CRTAC1: variants seen among roughly 807,000 people sequenced by gnomAD.
The protein encoded by CRTAC1 is cartilage acidic protein 1.
In CRTAC1, 37 loss-of-function variants were observed where a neutral mutation model predicts 67.8. The observed-to-expected ratio is 0.55, with a 90% CI of 0.42 to 0.72. The LOEUF (loss-of-function observed/expected upper bound fraction) is 0.72. Ranked by LOEUF, CRTAC1 falls within the 30% of genes least tolerant of loss-of-function variation. The probability of loss-of-function intolerance (pLI) is 0.00; values close to 1 mark genes in which losing one functional copy is unlikely to be tolerated. For missense variants in CRTAC1, 780 were observed against 931.6 expected, an observed-to-expected ratio of 0.84 and a Z score of 2.12; for synonymous variants, 348 against 371.0, an observed-to-expected ratio of 0.94 and a Z score of 0.71.
chr10:97,946,743 C>T (rs17094015), intron 2 of CRTAC1, among the ~76,000 whole-genome samples: 2,396 of 152,294 alleles, frequency 0.016, 72 homozygotes, highest in African/African-American at 0.054. Flanking sequence ...ACAAATGCTT[C>T]CCTGGGACCA....
chr10:97,974,951 A>C (rs2051774212), intron 2 of CRTAC1, among the ~76,000 whole-genome samples: 1 of 151,830 alleles, frequency 6.6e-6, no homozygotes, highest in South Asian at 2.1e-4. Context: ...AGGCGGGCAG[A>C]GGGAGACGCT....
chr10:97,999,833 C>T (rs1038906316), intron 2 of CRTAC1, among the ~76,000 whole-genome samples: 1 of 152,194 alleles, frequency 6.6e-6, no homozygotes, highest in Non-Finnish European at 1.5e-5. Context: ...ATCAGGACGA[C>T]CAGCTGCAAA....
At chr10:97,997,397 G>T (rs1464769876) in intron 2 of CRTAC1, among the ~76,000 whole-genome samples, 1 of 144,302 alleles carries the variant, frequency 6.9e-6, no homozygotes, top group East Asian at 2.0e-4. Context: ...AGGTTGCAGT[G>T]AGCCGAGATA....
intron 7 of CRTAC1, among the ~76,000 whole-genome samples, chr10:97,903,839 C>A (rs1449084176): frequency 6.6e-6 from 1 of 152,130 alleles, no homozygotes; most frequent in Non-Finnish European, 1.5e-5. Flanking sequence ...GGTCTATCAA[C>A]AGCTCAGGGA....
At chr10:97,909,080 GTA>G (rs2050653308) in intron 5 of CRTAC1, among the ~76,000 whole-genome samples, 1 of 152,164 alleles carries the variant, frequency 6.6e-6, no homozygotes, top group Non-Finnish European at 1.5e-5. Flanking sequence ...ATCCAATAAA[GTA>G]TATATGTTTT....
At position 98,030,593 on chromosome 10, in the gene CRTAC1, C is replaced by A. The variant is rs1590311142; in HGVS notation, c.-121G>T. 1 of 558,418 alleles carries A rather than the reference C, an allele frequency of 1.8e-6. No individual in the cohort carries two copies. Among genetic ancestry groups the A allele is most frequent in the Non-Finnish European group, 2.7e-6 (1 of 374,958 alleles). The allele number at this position is 558,418 out of a possible 1,614,324, so 34.6% of individuals were successfully genotyped here. A position where few individuals can be genotyped will look rare whatever the true frequency, so the allele number is the denominator to read the frequency against. On this transcript the variant is annotated 5_prime_UTR_variant, in exon 1 of 15. Coordinates refer to ENST00000370597, the MANE Select transcript of CRTAC1 (RefSeq NM_018058.7). The surrounding 1 kb of genome is among the most constrained non-coding windows in gnomAD (Gnocchi z 4.2). Reference sequence around the variant, plus strand: ...GGTCCCGGGCTGGCCTCGAGCCTCCCGCCCCGACGCCGCGCGCTCGCTTTA... The same window carrying A: ...GGTCCCGGGCTGGCCTCGAGCCTCCAGCCCCGACGCCGCGCGCTCGCTTTA...
At position 97,895,442 on chromosome 10, in the gene CRTAC1, G is replaced by A. The variant is rs192633158; in HGVS notation, c.1318-29C>T. 3.6e-5 allele frequency: 56 copies of A among 1,558,814 alleles called. No individual in the cohort carries two copies. The highest frequency in any genetic ancestry group is 1.4e-5 in the African/African-American group (1 of 73,732). On this transcript the variant is annotated intron_variant, in intron 10 of 14. Transcript: ENST00000370597. The surrounding 1 kb of genome is among the most constrained non-coding windows in gnomAD (Gnocchi z 4.2). ...CAGAGAGGGTGAGAGGCAGACACCCGGTGGGCATCAGCATGGTGGGTGGGA... is the reference window on the plus strand; with the variant it reads ...CAGAGAGGGTGAGAGGCAGACACCCAGTGGGCATCAGCATGGTGGGTGGGA...
chr10:97,908,083 A>C lies in CRTAC1; in HGVS notation c.780T>G (p.Asn260Lys), dbSNP rs35333633. The change falls in exon 6 of 15, where the codon AAT becomes AAG. Residue 260 changes from asparagine to lysine, a missense_variant. Asn to Lys is a moderately conservative substitution (Grantham distance 94, BLOSUM62 0). Coordinates refer to ENST00000370597, the MANE Select transcript of CRTAC1 (RefSeq NM_018058.7). ...SSSASDIFCD[N>K]ENGPNFLFHN... Reference sequence around the variant, plus strand: ...GGAAAAGGAAGTTAGGCCCATTCTCATTGTCGCAGAAGATATCCGAGGCAC... The same window carrying C: ...GGAAAAGGAAGTTAGGCCCATTCTCCTTGTCGCAGAAGATATCCGAGGCAC... 5 of 1,613,106 alleles carry C rather than the reference A, an allele frequency of 3.1e-6. No homozygotes were observed. Among genetic ancestry groups the C allele is most frequent in the Non-Finnish European group, 4.2e-6 (5 of 1,179,112 alleles).
intron 11 of CRTAC1, among the ~76,000 whole-genome samples, chr10:97,891,317 C>T (rs542439147): frequency 2.6e-4 from 39 of 152,330 alleles, no homozygotes; most frequent in Admixed American, 1.2e-3. Flanking sequence ...CAAACATTCC[C>T]GTTCTTTGGA....
In CRTAC1 at chr10:97,865,541, C is replaced by T. The variant is rs768831216; in HGVS notation, c.*7G>A. Reference sequence around the variant, plus strand: ...ACTCCATCCGCTGGTTCATGTCCCACCCCTGCTCAGCAGCTGGGCTCGCAG... The same window carrying T: ...ACTCCATCCGCTGGTTCATGTCCCATCCCTGCTCAGCAGCTGGGCTCGCAG... On this transcript the variant is annotated 3_prime_UTR_variant, in exon 15 of 15. Transcript: ENST00000370597. 1.2e-6 allele frequency: 2 copies of T among 1,603,496 alleles called. No individual in the cohort carries two copies. Among genetic ancestry groups the T allele is most frequent in the Non-Finnish European group, 8.5e-7 (1 of 1,172,656 alleles).
intron 2 of CRTAC1, among the ~76,000 whole-genome samples, chr10:98,009,983 G>A (rs1390602243): frequency 1.3e-5 from 2 of 152,108 alleles, no homozygotes; most frequent in Non-Finnish European, 2.9e-5. Context: ...AATAAAATGA[G>A]GGATGTGAAA....
chr10:97,941,698 T>C (rs2051179948), intron 2 of CRTAC1, among the ~76,000 whole-genome samples: 1 of 152,008 alleles, frequency 6.6e-6, no homozygotes. Flanking sequence ...TCACAAATCC[T>C]TTTTCTTCTT....
At chr10:97,935,874 G>A (rs1369985382) in intron 3 of CRTAC1, among the ~76,000 whole-genome samples, 1 of 152,158 alleles carries the variant, frequency 6.6e-6, no homozygotes, top group African/African-American at 2.4e-5. Flanking sequence ...GAGGGGTCAG[G>A]AGGGCTCACA....
intron 1 of CRTAC1, among the ~76,000 whole-genome samples, chr10:98,020,413 G>A (rs759103141): frequency 1.3e-5 from 2 of 152,190 alleles, no homozygotes; most frequent in Non-Finnish European, 2.9e-5. Context: ...ACCACTGTCC[G>A]CATTTTACAG....
chr10:97,981,561 G>GT (rs1228124024), intron 2 of CRTAC1, among the ~76,000 whole-genome samples: 1 of 152,072 alleles, frequency 6.6e-6, no homozygotes, highest in Non-Finnish European at 1.5e-5. Context: ...GTTGCTTCTG[G>GT]TTTTTTTGCT....
intron 1 of CRTAC1, among the ~76,000 whole-genome samples, chr10:98,020,761 C>T (rs757933349): frequency 1.8e-4 from 27 of 152,228 alleles, no homozygotes; most frequent in Non-Finnish European, 3.1e-4. Context: ...AGTGCAGACT[C>T]GGGGCAGGGG....
intron 1 of CRTAC1, among the ~76,000 whole-genome samples, chr10:98,018,534 T>G (rs1335147477): frequency 6.6e-6 from 1 of 152,092 alleles, no homozygotes; most frequent in Non-Finnish European, 1.5e-5. Flanking sequence ...CCAAACTCAG[T>G]TTTCTGTGGC....
chr10:97,889,628 C>T (rs1167366685), intron 11 of CRTAC1, among the ~76,000 whole-genome samples: 2 of 152,026 alleles, frequency 1.3e-5, no homozygotes, highest in Non-Finnish European at 2.9e-5. Flanking sequence ...GGTGTGCTCC[C>T]GCGGGAGCAG....
At chr10:97,920,302 G>A (rs753138000) in intron 4 of CRTAC1, among the ~76,000 whole-genome samples, 2 of 152,104 alleles carry the variant, frequency 1.3e-5, no homozygotes, top group South Asian at 4.1e-4. Context: ...TTGATTTTTC[G>A]GGGGTATAAA....
Sources: gnomAD v4.1 joint callset for allele counts (sites outside exome capture counted in the v4.1 genomes callset) on GRCh38, gnomAD v4.1.1 for gene constraint, Gnocchi (gnomAD v3.1) non-coding constraint, MANE v1.5 for transcripts, NCBI Gene and HGNC (gene_info 2026-07-23, HGNC 2026-07-21) for gene names.